The following PHTF2 variants were observed in gnomAD, a reference collection of about 807,000 sequenced individuals.
PHTF2 encodes protein PHTF2.
Under a neutral mutation model 101.2 loss-of-function variants are expected in PHTF2, and 60 were observed. The observed-to-expected ratio is 0.59, with a 90% confidence interval of 0.48 to 0.73. The LOEUF (loss-of-function observed/expected upper bound fraction) is 0.73, where lower values mean the gene tolerates loss of function less well. Among genes scored for constraint, PHTF2 ranks in the 30% least tolerant of loss-of-function variants. The probability of loss-of-function intolerance (pLI) is 0.00; values close to 1 mark genes in which losing one functional copy is unlikely to be tolerated. For synonymous variants in PHTF2, 311 were observed against 307.3 expected, an observed-to-expected ratio of 1.01 and a Z score of -0.13; for missense variants, 747 against 908.7, an observed-to-expected ratio of 0.82 and a Z score of 2.29.
exon 18 of PHTF2, chr7:77,951,661 G>T: frequency 6.7e-7 from 1 of 1,485,824 alleles, no homozygotes; most frequent in South Asian, 1.3e-5. Context: ...ACAAAAAGGA[G>T]GAACTGACAC....
chr7:77,915,660 A>G (rs1282077626), intron 9 of PHTF2, among the ~76,000 whole-genome samples: 1 of 152,170 alleles, frequency 6.6e-6, no homozygotes, highest in Non-Finnish European at 1.5e-5. Context: ...GCAGTCACTA[A>G]TAACAGCAGA....
chr7:77,818,435 A>G (rs1191517294), intron 1 of PHTF2, among the ~76,000 whole-genome samples: 1 of 152,180 alleles, frequency 6.6e-6, no homozygotes, highest in East Asian at 1.9e-4. Context: ...TGATTTTTGT[A>G]TAGGATGAGA....
intron 1 of PHTF2, among the ~76,000 whole-genome samples, chr7:77,834,335 AT>A (rs1554354133): frequency 5.5e-5 from 8 of 146,522 alleles, no homozygotes; most frequent in Non-Finnish European, 7.5e-5. Flanking sequence ...AAAAAAAAAA[AT>A]TTTAAACGGA....
chr7:77,847,932 C>T (rs1286038282), intron 2 of PHTF2, among the ~76,000 whole-genome samples: 1 of 152,152 alleles, frequency 6.6e-6, no homozygotes, highest in Non-Finnish European at 1.5e-5. Flanking sequence ...TAATTTTTAG[C>T]TCCCACAAAT....
intron 11 of PHTF2, among the ~76,000 whole-genome samples, chr7:77,925,495 G>GTTTTTTTTCTTTTTTTTTTTTTT (rs1803882547): frequency 1.4e-5 from 1 of 73,138 alleles, no homozygotes; most frequent in African/African-American, 5.8e-5. Flanking sequence ...AGTTTTTAGG[G>GTTTTTTTTCTTTTTTTTTTTTTT]TTTTTTTTTT....
At chr7:77,861,886 C>T (rs1046400185) in intron 3 of PHTF2, among the ~76,000 whole-genome samples, 1 of 152,064 alleles carries the variant, frequency 6.6e-6, no homozygotes, top group African/African-American at 2.4e-5. Context: ...GGAGAAACCC[C>T]GTCTCCACTA....
chr7:77,810,343 T>C (rs1478116840), intron 1 of PHTF2, among the ~76,000 whole-genome samples: 1 of 152,204 alleles, frequency 6.6e-6, no homozygotes, highest in Non-Finnish European at 1.5e-5. Flanking sequence ...TGTTTTCTAA[T>C]CTACAGGTAC....
At chr7:77,937,936 C>A in intron 13 of PHTF2, 98 bp downstream of exon 12, 1 of 502,866 alleles carries the variant, frequency 2.0e-6, no homozygotes, top group Non-Finnish European at 3.1e-6. Context: ...CTTCTGACCT[C>A]ATTTCTTCAC....
intron 1 of PHTF2, among the ~76,000 whole-genome samples, chr7:77,804,487 G>A (rs1352891727): frequency 2.0e-5 from 3 of 152,058 alleles, no homozygotes; most frequent in Admixed American, 6.6e-5. Context: ...CACCGTGCCC[G>A]GCTAATTTTT....
intron 9 of PHTF2, among the ~76,000 whole-genome samples, chr7:77,915,824 T>C (rs1226255970): frequency 2.0e-5 from 3 of 152,148 alleles, no homozygotes; most frequent in Non-Finnish European, 4.4e-5. Context: ...TATAGAGATA[T>C]ATGTCTCCTG....
chr7:77,846,261 C>G (rs2150598317), intron 2 of PHTF2, among the ~76,000 whole-genome samples: 1 of 152,226 alleles, frequency 6.6e-6, no homozygotes, highest in South Asian at 2.1e-4. Context: ...AAGTCTAACC[C>G]AATCATGGCA....
intron 3 of PHTF2, among the ~76,000 whole-genome samples, chr7:77,864,512 T>G (rs1797896711): frequency 6.6e-6 from 1 of 152,222 alleles, no homozygotes; most frequent in Non-Finnish European, 1.5e-5. Flanking sequence ...CCTTTCAGCC[T>G]TCAACTTTTC....
intron 5 of PHTF2, among the ~76,000 whole-genome samples, chr7:77,900,312 G>T (rs1365472657): frequency 1.3e-5 from 2 of 152,124 alleles, no homozygotes; most frequent in Non-Finnish European, 1.5e-5. Flanking sequence ...CTGAAATAAT[G>T]CCTCCAGCAC....
intron 3 of PHTF2, among the ~76,000 whole-genome samples, chr7:77,886,227 A>G (rs1799834873): frequency 1.3e-5 from 2 of 152,222 alleles, no homozygotes; most frequent in South Asian, 2.1e-4. Flanking sequence ...GGGTAATTAG[A>G]TAGCCGAAGA....
At chr7:77,820,407 A>G (rs922683950) in intron 1 of PHTF2, among the ~76,000 whole-genome samples, 1 of 152,168 alleles carries the variant, frequency 6.6e-6, no homozygotes, top group African/African-American at 2.4e-5. Flanking sequence ...GCCAGAGTGC[A>G]CAGGCGTGAT....
chr7:77,809,635 C>T (rs1433395731), intron 1 of PHTF2, among the ~76,000 whole-genome samples: 1 of 152,034 alleles, frequency 6.6e-6, no homozygotes, highest in Non-Finnish European at 1.5e-5. Flanking sequence ...GTGTTTATTT[C>T]CTTAAGGGTA....
chr7:77,876,188 TG>T (rs1798931096), intron 3 of PHTF2, among the ~76,000 whole-genome samples: 1 of 152,186 alleles, frequency 6.6e-6, no homozygotes, highest in South Asian at 2.1e-4. Flanking sequence ...CTTAGGTGGT[TG>T]AGAGAAATGG....
chr7:77,804,393 T>G (rs1792807874), intron 1 of PHTF2, among the ~76,000 whole-genome samples: 1 of 152,234 alleles, frequency 6.6e-6, no homozygotes, highest in Non-Finnish European at 1.5e-5. Flanking sequence ...TGGTGCGATC[T>G]TGGCTCATTG....
chr7:77,883,665 T>C (rs1466033085), intron 3 of PHTF2, among the ~76,000 whole-genome samples: 1 of 152,206 alleles, frequency 6.6e-6, no homozygotes, highest in Non-Finnish European at 1.5e-5. Context: ...AATATTACAC[T>C]GTCAATTAAT....
Sources: gnomAD v4.1 joint callset for allele counts (sites outside exome capture counted in the v4.1 genomes callset) on GRCh38, gnomAD v4.1.1 for gene constraint, MANE v1.5 for transcripts, NCBI Gene and HGNC (gene_info 2026-07-23, HGNC 2026-07-21) for gene names.